The following KIF14 variants were observed in gnomAD, a reference collection of about 807,000 sequenced individuals.
KIF14 encodes the protein kinesin family member 14.
A neutral mutation model predicts 176.2 loss-of-function variants in KIF14; 98 were observed. The ratio of observed to expected loss-of-function variants is 0.56; its 90% CI spans 0.47 to 0.66. The LOEUF is 0.66. KIF14 is among the 30% of genes least tolerant of loss of function. The pLI is 0.00. For missense variants in KIF14, 1,751 were observed against 1,920.4 expected (o/e 0.91, Z 1.65); for synonymous variants, 566 against 632.2 (o/e 0.90, Z 1.57).
intron 21 of KIF14, among the ~76,000 whole-genome samples, chr1:200,578,527 C>T (rs1175311379): frequency 6.6e-6 from 1 of 151,578 alleles, no homozygotes; most frequent in African/African-American, 2.4e-5. Context: ...ATTCATACCT[C>T]TCACAAAACA....
In KIF14 at chr1:200,554,381, A is replaced by G. The variant is rs1000371823; in HGVS notation, c.4567+87T>C. 6.8e-6 allele frequency: 6 copies of G among 885,122 alleles called. No individual in the cohort carries two copies. In the African/African-American group the frequency reaches 1.1e-4, roughly 16 times the overall value. The allele number at this position is 885,122 out of a possible 1,614,324, so 54.8% of individuals were successfully genotyped here. On this transcript the variant is annotated intron_variant, in intron 29 of 29. Transcript: ENST00000367350. ...ACTCCAGCCTGAGTGACAGAGCGAGACTCCATCTCAAAAAAAAAAAGGAAA... is the reference window on the plus strand; with the variant it reads ...ACTCCAGCCTGAGTGACAGAGCGAGGCTCCATCTCAAAAAAAAAAAGGAAA...
intron 8 of KIF14, 104 bp downstream of exon 8, chr1:200,605,179 G>C: frequency 9.2e-7 from 1 of 1,088,786 alleles, no homozygotes. Context: ...GTGATCACCA[G>C]GGTGAAAACT....
Position 200,570,003 on chromosome 1 carries a change from C to T in KIF14, c.3569G>A (p.Ser1190Asn). The change falls in exon 23 of 30, where the codon AGT (serine) becomes AAT (asparagine). Residue 1190 changes from serine (S) to asparagine (N), a missense_variant and splice_region_variant. By Grantham distance (46) the Ser-to-Asn change is conservative. Coordinates refer to ENST00000367350, the MANE Select transcript of KIF14 (RefSeq NM_014875.3). ...TCTTCTGTTCTTCATCAAACTCCTACTCCTGAAAAAAGACAAACCATAAGA... is the reference window on the plus strand; with the variant it reads ...TCTTCTGTTCTTCATCAAACTCCTATTCCTGAAAAAAGACAAACCATAAGA... ...APVSSLSRRR[S>N]RSLMKNRRIS... 2 of 1,570,022 alleles carry T rather than the reference C, an allele frequency of 1.3e-6. No homozygotes were observed. Among genetic ancestry groups the T allele is most frequent in the Non-Finnish European group, 1.7e-6 (2 of 1,146,876 alleles).
At chr1:200,608,771 A>G (rs1660011707) in intron 5 of KIF14, 59 bp downstream of exon 5, 2 of 1,044,642 alleles carry the variant, frequency 1.9e-6, no homozygotes, top group Admixed American at 3.6e-5. Flanking sequence ...AACTCAAATA[A>G]TTAGATACAT....
At chr1:200,555,665 A>G (rs990180868) in intron 27 of KIF14, among the ~76,000 whole-genome samples, 22 of 152,108 alleles carry the variant, frequency 1.4e-4, no homozygotes, top group Non-Finnish European at 8.8e-5. Flanking sequence ...ACTTCTTTCC[A>G]AATAAGTTTA....
intron 8 of KIF14, among the ~76,000 whole-genome samples, chr1:200,604,675 A>G (rs1232688871): frequency 6.6e-6 from 1 of 152,126 alleles, no homozygotes; most frequent in Non-Finnish European, 1.5e-5. Flanking sequence ...TATAGCTATT[A>G]AAAATTATTT....
chr1:200,568,918 G>C (rs996390919), intron 23 of KIF14, among the ~76,000 whole-genome samples: 1 of 134,292 alleles, frequency 7.4e-6, no homozygotes, highest in African/African-American at 2.8e-5. Flanking sequence ...TTAGCAGGTA[G>C]TAATTTTTTT....
chr1:200,582,122 C>T (rs1013852303), intron 19 of KIF14, among the ~76,000 whole-genome samples: 2 of 152,012 alleles, frequency 1.3e-5, no homozygotes, highest in African/African-American at 2.4e-5. Context: ...GTCTATAATC[C>T]CCATATTTTG....
Position 200,563,197 on chromosome 1 carries a change from G to A in KIF14, c.4071+1872C>T, listed in dbSNP as rs149091624. Among the ~76,000 whole-genome samples, 11 of 152,206 alleles carry A rather than the reference G, an allele frequency of 7.2e-5. No homozygotes were observed. The East Asian group carries it at 2.1e-3, about 29-fold the overall frequency. On this transcript the variant is annotated intron_variant, in intron 25 of 29. Coordinates refer to ENST00000367350, the MANE Select transcript of KIF14 (RefSeq NM_014875.3). ...TAAATAGCCCATTCAGGAAGTATTT[G>A]ACACAACAAAAATTCTACTGCAATA...
In KIF14 at chr1:200,612,917, A is replaced by G. The variant is rs556903831; in HGVS notation, c.1455+1401T>C. 2.1e-3 allele frequency among the ~76,000 whole-genome samples: 245 copies of G among 115,794 alleles called. 3 individuals carry two copies. Among genetic ancestry groups the G allele is most frequent in the African/African-American group, 7.7e-3 (227 of 29,450 alleles). The allele number at this position is 115,794 out of a possible 152,430, so 76.0% of individuals were successfully genotyped here. A position where few individuals can be genotyped will look rare whatever the true frequency, so the allele number is the denominator to read the frequency against. On this transcript the variant is annotated intron_variant, in intron 4 of 29. Transcript: ENST00000367350. ...TTTTTTTTTTTTTTGAGATGGAGTCATGCTCTGTCACCCAGGCTGGAGTGC... is the reference window on the plus strand; with the variant it reads ...TTTTTTTTTTTTTTGAGATGGAGTCGTGCTCTGTCACCCAGGCTGGAGTGC...
intron 17 of KIF14, among the ~76,000 whole-genome samples, chr1:200,589,671 C>CTTTTTT (rs1204882989): frequency 1.2e-4 from 9 of 76,532 alleles, no homozygotes; most frequent in East Asian, 4.2e-4. Context: ...CAACTTTTTT[C>CTTTTTT]TTTTTTTTTT....
intron 20 of KIF14, 97 bp from the exon 21 acceptor site, chr1:200,580,480 C>T: frequency 1.7e-6 from 1 of 596,840 alleles, no homozygotes. Flanking sequence ...CTAAAAATTC[C>T]ATCCACTGAT....
intron 4 of KIF14, among the ~76,000 whole-genome samples, chr1:200,613,900 T>C (rs1660278790): frequency 3.9e-5 from 6 of 152,236 alleles, no homozygotes; most frequent in Admixed American, 3.9e-4. Context: ...GGAAAAAGCA[T>C]GGCTTTTGAA....
intron 8 of KIF14, among the ~76,000 whole-genome samples, chr1:200,605,055 T>C (rs1039480416): frequency 8.5e-5 from 13 of 152,172 alleles, no homozygotes; most frequent in African/African-American, 3.1e-4. Flanking sequence ...AAATTAAGTT[T>C]ATATATTTAT....
intron 23 of KIF14, among the ~76,000 whole-genome samples, chr1:200,569,645 T>G (rs1033620257): frequency 1.3e-5 from 2 of 152,218 alleles, no homozygotes; most frequent in African/African-American, 4.8e-5. Flanking sequence ...TCCTTTCACT[T>G]GTAAGGAAGT....
chr1:200,596,611 G>A (rs939384443), intron 14 of KIF14, among the ~76,000 whole-genome samples: 3 of 143,942 alleles, frequency 2.1e-5, no homozygotes, highest in Non-Finnish European at 4.5e-5. Context: ...ATTGCCTAGG[G>A]TGGAGTATAG....
chr1:200,555,295 AC>A, intron 28 of KIF14, 84 bp downstream of exon 28: 1 of 846,630 alleles, frequency 1.2e-6, no homozygotes, highest in Non-Finnish European at 1.9e-6. Flanking sequence ...CTAAGGATAA[AC>A]ACTGAAATAA....
chr1:200,580,796 G>A (rs1341156715), intron 20 of KIF14, among the ~76,000 whole-genome samples: 1 of 152,028 alleles, frequency 6.6e-6, no homozygotes, highest in Non-Finnish European at 1.5e-5. Context: ...CTTTCCTATA[G>A]CTGTAGAATG....
rs1372631902 is a variant in KIF14, at chr1:200,565,576, A to T, written c.3755T>A (p.Phe1252Tyr). ...TTCTTCATCATAACTCTGTCCAAAA[A>T]AATCTAACGAAGAACCAATCAATTC... is the stretch of plus-strand genomic sequence containing the variant. Reference protein sequence around the residue: ...CKELIGSSLDFFGQSYDEERT... With the variant: ...CKELIGSSLDYFGQSYDEERT... The change falls in exon 24 of 30, where the codon TTT becomes TAT. Residue 1252 changes from phenylalanine to tyrosine, a missense_variant. Coordinates refer to ENST00000367350, the MANE Select transcript of KIF14 (RefSeq NM_014875.3). 1 of 1,612,212 alleles carries T rather than the reference A, an allele frequency of 6.2e-7. No individual in the cohort carries two copies. Among genetic ancestry groups the T allele is most frequent in the Non-Finnish European group, 8.5e-7 (1 of 1,179,700 alleles).
Sources: gnomAD v4.1 joint callset for allele counts (sites outside exome capture counted in the v4.1 genomes callset) on GRCh38, gnomAD v4.1.1 for gene constraint, MANE v1.5 for transcripts, NCBI Gene and HGNC (gene_info 2026-07-23, HGNC 2026-07-21) for gene names.